Variants in MMD2 observed in about 807,000 individuals in gnomAD.
The protein encoded by MMD2 is monocyte to macrophage differentiation factor 2.
Under a neutral mutation model 33.5 loss-of-function variants are expected in MMD2, and 30 were observed. The ratio of observed to expected loss-of-function variants is 0.90; its 90% confidence interval spans 0.67 to 1.22. MMD2 has a LOEUF of 1.22. MMD2 is among the 50% of genes most tolerant of loss of function. The probability of loss-of-function intolerance (pLI) is 0.00; values close to 1 mark genes in which losing one functional copy is unlikely to be tolerated. For synonymous variants in MMD2, 129 were observed against 123.0 expected (o/e 1.05, Z -0.32); for missense variants, 364 against 325.4 (o/e 1.12, Z -0.91).
At chr7:4,957,512 G>A (rs1786418989) in intron 1 of MMD2, among the ~76,000 whole-genome samples, 1 of 152,004 alleles carries the variant, frequency 6.6e-6, no homozygotes, top group South Asian at 2.1e-4. Flanking sequence ...AGCCGGGCAT[G>A]GTGGCAGGTG....
At chr7:4,935,188 A>T (rs1023579946) in intron 1 of MMD2, among the ~76,000 whole-genome samples, 1 of 151,404 alleles carries the variant, frequency 6.6e-6, no homozygotes, top group Non-Finnish European at 1.5e-5. Flanking sequence ...TCTGCCTCAA[A>T]AAAAGAAAAA....
chr7:4,898,128 G>T, the MMD2 span, among the ~76,000 whole-genome samples: 1 of 152,180 alleles, frequency 6.6e-6, no homozygotes, highest in Non-Finnish European at 1.5e-5. Flanking sequence ...GGACCACCTA[G>T]CCTCAAGGTC....
In MMD2 at chr7:4,958,985, C is replaced by T. The variant is rs187126919; in HGVS notation, c.33G>A (p.Lys11=). MFAPRLLDFQ[K]TKYARFMNHR... is the part of the protein sequence containing the mutation. ...CCGCCGCTCACCTCGCGTATTTCGT[C>T]TTCTGGAAATCCAGCAGCCGGGGGG... The change falls in exon 1 of 7, where the codon AAG becomes AAA. Residue 11 remains lysine (K), a synonymous_variant. Transcript: ENST00000401401. 1 of 1,285,970 alleles carries T rather than the reference C, an allele frequency of 7.8e-7. No individual in the cohort carries two copies. The allele number at this position is 1,285,970 out of a possible 1,614,324, so 79.7% of individuals were successfully genotyped here. A position where few individuals can be genotyped will look rare whatever the true frequency, so the allele number is the denominator to read the frequency against.
At chr7:4,895,459 C>T in the MMD2 span, among the ~76,000 whole-genome samples, 4 of 152,118 alleles carry the variant, frequency 2.6e-5, no homozygotes, top group African/African-American at 7.2e-5. Context: ...TGTGGAGAAA[C>T]GGGGTCAGCG....
At chr7:4,902,243 C>T (rs576495797), downstream of MMD2, among the ~76,000 whole-genome samples, 73 of 152,306 alleles carry the variant, frequency 4.8e-4, no homozygotes, top group African/African-American at 1.5e-3. Flanking sequence ...AGAGCCACCA[C>T]GCCCCACCAA....
downstream of MMD2, among the ~76,000 whole-genome samples, chr7:4,902,321 G>A (rs1481791072): frequency 6.6e-6 from 1 of 152,202 alleles, no homozygotes; most frequent in Admixed American, 6.5e-5. Context: ...GAGGCAGTGT[G>A]TTTCCTTGCA....
At chr7:4,910,144 C>T (rs2115087843) in intron 5 of MMD2, 194 bp from the exon 6 acceptor site, 6 of 1,274,864 alleles carry the variant, frequency 4.7e-6, no homozygotes, top group Non-Finnish European at 6.5e-6. Flanking sequence ...TTATGTGACC[C>T]TGGGCACTTT....
At chr7:4,925,382 G>A (rs762793989) in intron 2 of MMD2, 69 bp downstream of exon 2, 6 of 1,279,888 alleles carry the variant, frequency 4.7e-6, no homozygotes, top group Non-Finnish European at 6.5e-6. Context: ...TGAAGGAGGT[G>A]ACTTCCCCCA....
At chr7:4,922,587 T>G (rs10951719) in intron 2 of MMD2, among the ~76,000 whole-genome samples, 90,374 of 151,878 alleles carry the variant, frequency 0.6, 26,993 homozygotes, top group East Asian at 0.68. Context: ...TATACATTTT[T>G]TTTTAGAGAT....
intron 1 of MMD2, among the ~76,000 whole-genome samples, chr7:4,947,788 C>T (rs1171614390): frequency 6.7e-6 from 1 of 149,798 alleles, no homozygotes; most frequent in Non-Finnish European, 1.5e-5. Flanking sequence ...CAAACTCCAC[C>T]TCCCGGGTTC....
the MMD2 span, among the ~76,000 whole-genome samples, chr7:4,894,112 C>G: frequency 1.3e-5 from 2 of 152,122 alleles, no homozygotes; most frequent in Non-Finnish European, 2.9e-5. This position sits in a 1 kb window ranked among gnomAD's most constrained non-coding sequence, Gnocchi z 4.3. Context: ...AAGATGGAGT[C>G]ACTCTGGTTC....
At chr7:4,912,566 A>G (rs1268095816) in intron 4 of MMD2, among the ~76,000 whole-genome samples, 1 of 152,076 alleles carries the variant, frequency 6.6e-6, no homozygotes, top group Non-Finnish European at 1.5e-5. Context: ...TGTCTCAAAA[A>G]AAAAAAAAAG....
the MMD2 span, among the ~76,000 whole-genome samples, chr7:4,893,242 AT>A: frequency 6.6e-5 from 10 of 152,170 alleles, no homozygotes; most frequent in African/African-American, 2.4e-4. Context: ...CCAAGAAAGA[AT>A]TCAGGGAGAG....
intron 1 of MMD2, among the ~76,000 whole-genome samples, chr7:4,936,166 C>T (rs765854256): frequency 6.8e-5 from 9 of 132,874 alleles, no homozygotes; most frequent in East Asian, 2.2e-4. Flanking sequence ...GTCTGGGTGA[C>T]GAGAATGAAA....
intron 3 of MMD2, among the ~76,000 whole-genome samples, chr7:4,917,737 A>AATAT (rs922393135): frequency 6.6e-6 from 1 of 151,922 alleles, no homozygotes; most frequent in Non-Finnish European, 1.5e-5. Flanking sequence ...TAAATAAATA[A>AATAT]ACACCAACCA....
intron 1 of MMD2, among the ~76,000 whole-genome samples, chr7:4,931,309 C>A (rs1785581126): frequency 6.6e-6 from 1 of 151,788 alleles, no homozygotes; most frequent in African/African-American, 2.4e-5. Context: ...CCACACCCGG[C>A]TAATTTATTT....
At chr7:4,897,781 A>G in the MMD2 span, among the ~76,000 whole-genome samples, 1 of 151,894 alleles carries the variant, frequency 6.6e-6, no homozygotes, top group African/African-American at 2.4e-5. Flanking sequence ...TCTATCACCC[A>G]GGCTGGAGTA....
downstream of MMD2, among the ~76,000 whole-genome samples, chr7:4,904,321 C>A: frequency 6.6e-6 from 1 of 152,214 alleles, no homozygotes; most frequent in Non-Finnish European, 1.5e-5. Context: ...TAGGAAACTT[C>A]TTTTCCTTTC....
intron 1 of MMD2, 87 bp from the exon 2 acceptor site, chr7:4,925,619 A>G (rs1785405890): frequency 2.1e-6 from 2 of 971,190 alleles, no homozygotes; most frequent in East Asian, 5.5e-5. Context: ...CTTACTTCCT[A>G]CTGGTAGGAA....
Sources: gnomAD v4.1 joint callset for allele counts (sites outside exome capture counted in the v4.1 genomes callset) on GRCh38, gnomAD v4.1.1 for gene constraint, Gnocchi (gnomAD v3.1) non-coding constraint, MANE v1.5 for transcripts, NCBI Gene and HGNC (gene_info 2026-07-23, HGNC 2026-07-21) for gene names.